ADGRL2: variants seen among roughly 807,000 people sequenced by gnomAD.
ADGRL2 encodes calcium-independent alpha-latrotoxin receptor 2.
In ADGRL2, 44 loss-of-function variants were observed where a neutral mutation model predicts 157.4. The ratio of observed to expected loss-of-function variants is 0.28; its 90% CI spans 0.22 to 0.36. The LOEUF is 0.36. Ranked by LOEUF, ADGRL2 falls within the 10% of genes least tolerant of loss-of-function variation. The pLI is 1.00. For missense variants in ADGRL2, 1,510 were observed against 1,768.9 expected, an observed-to-expected ratio of 0.85 and a Z score of 2.63; for synonymous variants, 585 against 624.7, an observed-to-expected ratio of 0.94 and a Z score of 0.95.
chr1:81,502,581 A>G, intron 2 of ADGRL2: 3 of 1,614,048 alleles, frequency 1.9e-6, no homozygotes, highest in Non-Finnish European at 1.7e-6. Flanking sequence ...GAGATCATCA[A>G]CAAGAAGATC....
At chr1:81,829,870 C>G (rs2091812621) in intron 1 of ADGRL2, among the ~76,000 whole-genome samples, 1 of 152,140 alleles carries the variant, frequency 6.6e-6, no homozygotes, top group Non-Finnish European at 1.5e-5. Context: ...GACCTAGATG[C>G]TTGCTACTGC....
At chr1:81,920,355 T>C (rs2094949192) in intron 3 of ADGRL2, among the ~76,000 whole-genome samples, 1 of 152,170 alleles carries the variant, frequency 6.6e-6, no homozygotes, top group South Asian at 2.1e-4. Context: ...TAAAACTCTT[T>C]ACCATTAGTG....
intron 2 of ADGRL2, among the ~76,000 whole-genome samples, chr1:81,899,366 T>G (rs984251139): frequency 2.6e-5 from 4 of 152,214 alleles, no homozygotes; most frequent in African/African-American, 9.6e-5. Context: ...GCAGTGCATC[T>G]GTTTATTAGG....
At chr1:81,493,327 G>A (rs1403095616) in intron 2 of ADGRL2, among the ~76,000 whole-genome samples, 1 of 152,168 alleles carries the variant, frequency 6.6e-6, no homozygotes, top group East Asian at 1.9e-4. Context: ...AACTTGTAGG[G>A]AAAGCATATT....
At chr1:81,351,794 G>C (rs1264878428) in intron 1 of ADGRL2, among the ~76,000 whole-genome samples, 1 of 152,200 alleles carries the variant, frequency 6.6e-6, no homozygotes, top group South Asian at 2.1e-4. Context: ...TTAAGAACCT[G>C]AATGACTACA....
At chr1:81,383,544 T>A (rs577963234) in intron 1 of ADGRL2, among the ~76,000 whole-genome samples, 17 of 152,064 alleles carry the variant, frequency 1.1e-4, no homozygotes, top group African/African-American at 3.9e-4. Context: ...GATAATTTTT[T>A]AAAATGCAAA....
rs796647677 is a variant in ADGRL2 at position 81,829,584 on chromosome 1, T to C, written c.-100-7301T>C. Among the ~76,000 whole-genome samples, 6 of 152,198 alleles carry C rather than the reference T, an allele frequency of 3.9e-5. No homozygotes were observed. In the South Asian group the frequency reaches 1.2e-3, roughly 31 times the overall value. ...CTAAATGCTTCAGGTTATTATAATA[T>C]TCCTGTCAATATAATAATCTATAAG... On this transcript the variant is annotated intron_variant, in intron 1 of 23. Coordinates refer to ENST00000686636, the MANE Select transcript of ADGRL2 (RefSeq NM_001366006.2).
chr1:81,921,780 A>T (rs1449422093), intron 3 of ADGRL2, among the ~76,000 whole-genome samples: 1 of 152,140 alleles, frequency 6.6e-6, no homozygotes, highest in Non-Finnish European at 1.5e-5. Flanking sequence ...AATCAGATAC[A>T]TTTTAGTTTG....
At chr1:81,903,295 A>G (rs1420610911) in intron 2 of ADGRL2, among the ~76,000 whole-genome samples, 1 of 152,166 alleles carries the variant, frequency 6.6e-6, no homozygotes. Context: ...CTATTCATGT[A>G]GTTTTGTGAA....
At chr1:81,367,544 A>G (rs2076087632) in intron 1 of ADGRL2, among the ~76,000 whole-genome samples, 1 of 152,130 alleles carries the variant, frequency 6.6e-6, no homozygotes, top group Admixed American at 6.6e-5. Context: ...TGCAAAGAAC[A>G]TGACCTTGTT....
intron 2 of ADGRL2, among the ~76,000 whole-genome samples, chr1:81,763,016 C>CCAGTCTG (rs1409051243): frequency 7.3e-6 from 1 of 137,150 alleles, no homozygotes; most frequent in East Asian, 2.2e-4. Context: ...CCACTGCACT[C>CCAGTCTG]CAGTCTGGGT....
chr1:81,318,946 TTTTTTTTTTTTTGA>T (rs1660301184), intron 1 of ADGRL2, among the ~76,000 whole-genome samples: 1 of 128,238 alleles, frequency 7.8e-6, no homozygotes, highest in African/African-American at 3.0e-5. Context: ...TTTTTTTTTT[TTTTTTTTTTTTTGA>T]GATGGAGTTT....
intron 2 of ADGRL2, among the ~76,000 whole-genome samples, chr1:81,476,689 T>C (rs960633538): frequency 1.3e-5 from 2 of 152,250 alleles, no homozygotes; most frequent in Admixed American, 1.3e-4. Flanking sequence ...GTCCAATTTC[T>C]AGTACATCAT....
chr1:81,761,426 T>C (rs1311835758), intron 1 of ADGRL2, among the ~76,000 whole-genome samples: 1 of 151,984 alleles, frequency 6.6e-6, no homozygotes, highest in Non-Finnish European at 1.5e-5. Flanking sequence ...GCATTAATTA[T>C]CAGGATGTGA....
chr1:81,469,787 A>G (rs975712621), intron 2 of ADGRL2, among the ~76,000 whole-genome samples: 6 of 152,148 alleles, frequency 3.9e-5, no homozygotes, highest in African/African-American at 1.2e-4. Context: ...TCCTGACAAA[A>G]TGCTACTGTC....
chr1:81,652,267 T>G (rs532364161), intron 3 of ADGRL2, among the ~76,000 whole-genome samples: 8 of 152,318 alleles, frequency 5.3e-5, no homozygotes, highest in Admixed American at 3.9e-4. Flanking sequence ...TATTTAATTC[T>G]ATATCTCTGA....
chr1:81,571,347 T>C (rs547339486), intron 2 of ADGRL2, among the ~76,000 whole-genome samples: 3 of 145,392 alleles, frequency 2.1e-5, no homozygotes, highest in South Asian at 4.2e-4. Flanking sequence ...AATATATATA[T>C]ACATATATAT....
chr1:81,400,041 A>G (rs1251239777), intron 1 of ADGRL2, among the ~76,000 whole-genome samples: 2 of 152,120 alleles, frequency 1.3e-5, no homozygotes, highest in African/African-American at 4.8e-5. Context: ...CTTAAGCTAT[A>G]TTCAACATTA....
At chr1:81,777,000 C>T (rs561051821) in intron 2 of ADGRL2, among the ~76,000 whole-genome samples, 4 of 152,252 alleles carry the variant, frequency 2.6e-5, no homozygotes, top group African/African-American at 9.6e-5. Flanking sequence ...ATTATGCATA[C>T]TACTCTGATA....
Sources: allele counts gnomAD v4.1 joint callset (sites outside exome capture counted in the v4.1 genomes callset), GRCh38; gene constraint gnomAD v4.1.1; transcripts MANE v1.5; gene names NCBI Gene and HGNC (gene_info 2026-07-23, HGNC 2026-07-21).